SETD5: variants seen among roughly 807,000 people sequenced by gnomAD.
SETD5 encodes SET domain containing 5, also known as histone-lysine N-methyltransferase SETD5.
SETD5 carries 44 observed loss-of-function variants against 153.3 expected under a neutral mutation model. The observed-to-expected ratio is 0.29, with a 90% CI of 0.23 to 0.37. The LOEUF (loss-of-function observed/expected upper bound fraction) is 0.37. Among genes scored for constraint, SETD5 ranks in the 10% least tolerant of loss-of-function variants. The probability of loss-of-function intolerance (pLI) is 1.00; values close to 1 mark genes in which losing one functional copy is unlikely to be tolerated. For missense variants in SETD5, 1,544 were observed against 1,768.0 expected, an observed-to-expected ratio of 0.87 and a Z score of 2.27; for synonymous variants, 716 against 645.2, an observed-to-expected ratio of 1.11 and a Z score of -1.66.
At chr3:9,428,124 C>T (rs1015760062) in intron 2 of SETD5, among the ~76,000 whole-genome samples, 2 of 152,104 alleles carry the variant, frequency 1.3e-5, no homozygotes, top group Non-Finnish European at 2.9e-5. Context: ...ATTTCCCATG[C>T]ACCCTCTGCA....
At position 9,470,557 on chromosome 3, in the gene SETD5, T is replaced by C; in HGVS notation, c.2823T>C (p.His941=). Residue 941 remains histidine (H), a synonymous_variant, in exon 19 of 23, where the codon CAT becomes CAC. Coordinates refer to ENST00000402198, the MANE Select transcript of SETD5 (RefSeq NM_001080517.3). Reference sequence around the variant, plus strand: ...GACCTTCCCTACTCAACTCAGGTCATTCTGACCTGGCTCCTCATCCCTCCC... The same window carrying C: ...GACCTTCCCTACTCAACTCAGGTCACTCTGACCTGGCTCCTCATCCCTCCC... ...ADRPSLLNSG[H]SDLAPHPSLG... The C allele has an allele frequency of 6.2e-7, 1 of 1,614,002 alleles. No individual in the cohort carries two copies. Among genetic ancestry groups the C allele is most frequent in the African/African-American group, 1.3e-5 (1 of 75,054 alleles).
In SETD5 at chr3:9,448,372, C is replaced by A; in HGVS notation, c.2104-16C>A. The A allele has an allele frequency of 6.2e-7, 1 of 1,611,900 alleles. No individual in the cohort carries two copies. The highest frequency in any genetic ancestry group is 1.1e-5 in the South Asian group (1 of 90,876). Reference sequence around the variant, plus strand: ...ACCTCTTGATTTATAAACTAATGATCTCTTTTTTACCTTAGTATCTAGTTA... The same window carrying A: ...ACCTCTTGATTTATAAACTAATGATATCTTTTTTACCTTAGTATCTAGTTA... On this transcript the variant is annotated splice_polypyrimidine_tract_variant and intron_variant, in intron 15 of 22. Coordinates refer to ENST00000402198, the MANE Select transcript of SETD5 (RefSeq NM_001080517.3).
At chr3:9,461,894 G>A (rs1260543690) in intron 17 of SETD5, among the ~76,000 whole-genome samples, 1 of 152,094 alleles carries the variant, frequency 6.6e-6, no homozygotes, top group Non-Finnish European at 1.5e-5. Flanking sequence ...CCGAATATAA[G>A]CCATGAATTA....
intron 1 of SETD5, among the ~76,000 whole-genome samples, chr3:9,421,962 A>G (rs534462528): frequency 1.3e-5 from 2 of 152,276 alleles, no homozygotes; most frequent in Admixed American, 6.5e-5. Flanking sequence ...CAAAAGGAAG[A>G]AATTTGGTTA....
chr3:9,405,355 G>C (rs181489566), intron 1 of SETD5, among the ~76,000 whole-genome samples: 2 of 152,078 alleles, frequency 1.3e-5, no homozygotes, highest in African/African-American at 4.8e-5. Flanking sequence ...CTAAAATAAG[G>C]TTAAAAATTA....
rs545574817 is a variant in SETD5, at chr3:9,408,017, T to C, written c.-177+10040T>C. Among the ~76,000 whole-genome samples the C allele has an allele frequency of 4.0e-5, 6 of 150,972 alleles. 1 individual carries two copies. The highest frequency in any genetic ancestry group is 1.5e-4 in the African/African-American group (6 of 40,976). On this transcript the variant is annotated intron_variant, in intron 1 of 22. Transcript: ENST00000402198. ...CTATGTCTCAAAAAAAAAAAATTAATCTTGTGTAGATAGTGACCACGTTTT... is the reference window on the plus strand; with the variant it reads ...CTATGTCTCAAAAAAAAAAAATTAACCTTGTGTAGATAGTGACCACGTTTT...
At chr3:9,429,046 G>C in intron 3 of SETD5, 37 bp downstream of exon 3, 1 of 1,497,266 alleles carries the variant, frequency 6.7e-7, no homozygotes, top group Non-Finnish European at 9.3e-7. Context: ...TACATTATCA[G>C]TCTGTGTGGA....
chr3:9,463,803 A>G (rs59790119), intron 17 of SETD5, among the ~76,000 whole-genome samples: 4,424 of 152,312 alleles, frequency 0.029, 209 homozygotes, highest in African/African-American at 0.1. Context: ...GGGTAACTGT[A>G]ACACAGTAAC....
rs1452798692 is a variant in SETD5 at position 9,475,476 on chromosome 3, T to C, written c.3721-7T>C. ...GTCCTTATTCGTTTCCTCCCAACTT[T>C]GTCTAGCTCCTGCAGTGTGATAGTC... On this transcript the variant is annotated splice_region_variant and splice_polypyrimidine_tract_variant and intron_variant, in intron 22 of 22. Transcript: ENST00000402198. The C allele has an allele frequency of 3.1e-6, 5 of 1,599,750 alleles. No homozygotes were observed. Among genetic ancestry groups the C allele is most frequent in the Non-Finnish European group, 4.3e-6 (5 of 1,169,620 alleles).
intron 16 of SETD5, among the ~76,000 whole-genome samples, chr3:9,451,404 G>T (rs539953174): frequency 5.3e-5 from 8 of 152,252 alleles, no homozygotes; most frequent in Non-Finnish European, 7.3e-5. Flanking sequence ...TTGGTAACTT[G>T]TCCAAAGTGA....
At chr3:9,407,443 T>C (rs1315740586) in intron 1 of SETD5, among the ~76,000 whole-genome samples, 2 of 152,192 alleles carry the variant, frequency 1.3e-5, no homozygotes, top group African/African-American at 4.8e-5. Context: ...TCTAGGTAGG[T>C]GTAACCTTCC....
chr3:9,416,051 T>A lies in SETD5; in HGVS notation c.-176-8416T>A, dbSNP rs557104716. On this transcript the variant is annotated intron_variant, in intron 1 of 22. Transcript: ENST00000402198. ...CCATGCCTGGCTACTTTCTTTGTAATTTTTTTGTGGTTCAAATAGGAATCT... is the reference window on the plus strand; with the variant it reads ...CCATGCCTGGCTACTTTCTTTGTAAATTTTTTGTGGTTCAAATAGGAATCT... Among the ~76,000 whole-genome samples the A allele has an allele frequency of 7.9e-5, 12 of 152,172 alleles. No individual in the cohort carries two copies. In the South Asian group the frequency reaches 2.5e-3, roughly 32 times the overall value.
At chr3:9,430,167 TG>T in intron 3 of SETD5, 1 of 1,010,440 alleles carries the variant, frequency 9.9e-7, no homozygotes, top group South Asian at 3.9e-5. Context: ...ATGACATCCC[TG>T]ATTAATAAGT....
intron 1 of SETD5, among the ~76,000 whole-genome samples, chr3:9,404,727 T>C (rs1344235734): frequency 6.6e-6 from 1 of 152,200 alleles, no homozygotes; most frequent in African/African-American, 2.4e-5. Flanking sequence ...GTAGCTTCCA[T>C]TGCTCCTATT....
At chr3:9,449,937 G>C (rs927626319) in intron 16 of SETD5, among the ~76,000 whole-genome samples, 3 of 152,220 alleles carry the variant, frequency 2.0e-5, no homozygotes, top group South Asian at 2.1e-4. Flanking sequence ...CTCCTATTTT[G>C]GTCCTTTAAG....
chr3:9,434,688 A>G lies in SETD5; in HGVS notation c.330-136A>G. 1 of 1,460,586 alleles carries G rather than the reference A, an allele frequency of 6.8e-7. No homozygotes were observed. Among genetic ancestry groups the G allele is most frequent in the Non-Finnish European group, 9.1e-7 (1 of 1,104,434 alleles). 90.5% of individuals were successfully genotyped at this position (1,460,586 alleles called of 1,614,324 possible). On this transcript the variant is annotated intron_variant, in intron 5 of 22. Coordinates refer to ENST00000402198, the MANE Select transcript of SETD5 (RefSeq NM_001080517.3). This position sits in a 1 kb window ranked among gnomAD's most constrained non-coding sequence, Gnocchi z 5.6. ...TGATGTTAAAGCTATTGAATTTGATATGAAATTTAATGTCCTGGAAACATT... is the reference window on the plus strand; with the variant it reads ...TGATGTTAAAGCTATTGAATTTGATGTGAAATTTAATGTCCTGGAAACATT...
chr3:9,428,139 C>CGCAT (rs1288023441), intron 2 of SETD5, among the ~76,000 whole-genome samples: 1 of 152,152 alleles, frequency 6.6e-6, no homozygotes, highest in Non-Finnish European at 1.5e-5. Context: ...TCTGCACCCA[C>CGCAT]GCATGCATAG....
chr3:9,475,188 A>T (rs1265813639), intron 22 of SETD5, 32 bp downstream of exon 22: 1 of 1,549,902 alleles, frequency 6.5e-7, no homozygotes, highest in Admixed American at 1.9e-5. Flanking sequence ...CTCTAGCCAT[A>T]GGAGTGTGTT....
intron 1 of SETD5, among the ~76,000 whole-genome samples, chr3:9,401,479 C>A (rs1362037946): frequency 6.6e-6 from 1 of 152,076 alleles, no homozygotes; most frequent in Non-Finnish European, 1.5e-5. Flanking sequence ...TTTTTTATAT[C>A]TTTTGATACT....
Sources: allele counts gnomAD v4.1 joint callset (sites outside exome capture counted in the v4.1 genomes callset), GRCh38; gene constraint gnomAD v4.1.1; non-coding constraint Gnocchi (gnomAD v3.1); transcripts MANE v1.5; gene names NCBI Gene and HGNC (gene_info 2026-07-23, HGNC 2026-07-21).